The following FOXP1 variants were observed in gnomAD, a reference collection of about 807,000 sequenced individuals.
The protein encoded by FOXP1 is forkhead box protein P1.
FOXP1 carries 15 observed loss-of-function variants against 98.2 expected under a neutral mutation model. The observed-to-expected ratio is 0.15, with a 90% CI of 0.10 to 0.24. The LOEUF is 0.24. FOXP1 is among the 10% of genes least tolerant of loss of function. FOXP1 has a pLI of 1.00. For synonymous variants in FOXP1, 371 were observed against 314.5 expected (o/e 1.18, Z -1.90); for missense variants, 633 against 848.5 (o/e 0.75, Z 3.15).
At chr3:71,367,585 G>A (rs1007913301) in intron 3 of FOXP1, among the ~76,000 whole-genome samples, 24 of 152,070 alleles carry the variant, frequency 1.6e-4, no homozygotes, top group Admixed American at 1.6e-3. Context: ...CCTGAGAACC[G>A]TGATGCTGAG....
At chr3:71,514,295 T>C (rs1202845549) in intron 2 of FOXP1, among the ~76,000 whole-genome samples, 2 of 152,178 alleles carry the variant, frequency 1.3e-5, no homozygotes, top group Non-Finnish European at 2.9e-5. Context: ...AAGTCCTTAC[T>C]CAAACAGCAC....
At chr3:71,456,841 A>G (rs2087561112) in intron 3 of FOXP1, among the ~76,000 whole-genome samples, 1 of 151,946 alleles carries the variant, frequency 6.6e-6, no homozygotes, top group South Asian at 2.1e-4. Context: ...ATCTATGTCA[A>G]CTCATATCAG....
chr3:70,967,724 T>TTTTTTTTTTG (rs1215996425), intron 19 of FOXP1, among the ~76,000 whole-genome samples: 1 of 144,414 alleles, frequency 6.9e-6, no homozygotes. Context: ...TTTTTTTTTT[T>TTTTTTTTTTG]TTTTGCAAAC....
rs1246832143 is a variant in FOXP1, at chr3:71,500,848, C to T, written c.-297-7293G>A. 2.0e-5 allele frequency among the ~76,000 whole-genome samples: 3 copies of T among 152,146 alleles called. No individual in the cohort carries two copies. In the South Asian group the frequency reaches 6.2e-4, roughly 32 times the overall value. On this transcript the variant is annotated intron_variant, in intron 2 of 20. Transcript: ENST00000649528. ...ATGGAAACCTTTCTATTCATAGTCA[C>T]ATGTAAGGGAACCACCGCTTCCTGC...
chr3:71,201,214 A>C (rs1231331575), intron 5 of FOXP1, among the ~76,000 whole-genome samples: 1 of 152,234 alleles, frequency 6.6e-6, no homozygotes, highest in Non-Finnish European at 1.5e-5. Flanking sequence ...CCTAAGATAT[A>C]AGAATCAGGT....
At chr3:70,968,189 T>C (rs2035368625) in intron 19 of FOXP1, among the ~76,000 whole-genome samples, 1 of 150,968 alleles carries the variant, frequency 6.6e-6, no homozygotes, top group Admixed American at 6.6e-5. Flanking sequence ...AAGAACGATG[T>C]AAGTGATGAA....
intron 3 of FOXP1, among the ~76,000 whole-genome samples, chr3:71,406,117 G>A (rs1031463894): frequency 1.3e-5 from 2 of 152,078 alleles, no homozygotes; most frequent in African/African-American, 2.4e-5. Flanking sequence ...TACCAGGCAC[G>A]TGGTCCTTCC....
rs181110264 is a variant in FOXP1 at position 71,325,047 on chromosome 3, C to A, written c.-72-25167G>T. On this transcript the variant is annotated intron_variant, in intron 4 of 20. Coordinates refer to ENST00000649528, the MANE Select transcript of FOXP1 (RefSeq NM_001349338.3). ...AATCCAGAGTTGCTGTAGGTATAAT[C>A]CCTTGATTTTTTTTTTTTTTTTTGA... Among the ~76,000 whole-genome samples, 4 of 137,756 alleles carry A rather than the reference C, an allele frequency of 2.9e-5. No homozygotes were observed. In the East Asian group the frequency reaches 7.6e-4, roughly 26 times the overall value. The allele number at this position is 137,756 out of a possible 152,430, so 90.4% of individuals were successfully genotyped here. A position where few individuals can be genotyped will look rare whatever the true frequency, so the allele number is the denominator to read the frequency against.
At chr3:71,203,754 A>ATT (rs2063811541) in intron 5 of FOXP1, among the ~76,000 whole-genome samples, 1 of 152,200 alleles carries the variant, frequency 6.6e-6, no homozygotes, top group Non-Finnish European at 1.5e-5. Flanking sequence ...ATATGTTTCT[A>ATT]TTTCTATGGG....
At chr3:71,462,655 G>A (rs763498698) in intron 3 of FOXP1, among the ~76,000 whole-genome samples, 14 of 152,188 alleles carry the variant, frequency 9.2e-5, no homozygotes, top group Non-Finnish European at 1.9e-4. Flanking sequence ...ATGTGAGAGG[G>A]AAATCATTGC....
intron 3 of FOXP1, among the ~76,000 whole-genome samples, chr3:71,402,640 T>C (rs575486322): frequency 2.1e-4 from 32 of 152,308 alleles, no homozygotes; most frequent in African/African-American, 7.7e-4. Flanking sequence ...TATAGTTTGA[T>C]ACTAAACTTG....
chr3:71,167,057 C>T (rs1039537140), intron 6 of FOXP1, among the ~76,000 whole-genome samples: 2 of 151,956 alleles, frequency 1.3e-5, no homozygotes, highest in East Asian at 1.9e-4. Context: ...GGCACATCTC[C>T]GCACTTCAGG....
chr3:71,336,448 C>A (rs2076686667), intron 4 of FOXP1, among the ~76,000 whole-genome samples: 1 of 151,480 alleles, frequency 6.6e-6, no homozygotes, highest in Non-Finnish European at 1.5e-5. Context: ...CCCGATAGGC[C>A]CCAGTGTGTG....
At chr3:71,407,404 G>A (rs569425406) in intron 3 of FOXP1, among the ~76,000 whole-genome samples, 1 of 152,232 alleles carries the variant, frequency 6.6e-6, no homozygotes, top group African/African-American at 2.4e-5. Context: ...CATCACGCAT[G>A]TTTTTCTAAA....
intron 2 of FOXP1, among the ~76,000 whole-genome samples, chr3:71,497,982 T>G (rs543250576): frequency 6.6e-6 from 1 of 152,350 alleles, no homozygotes; most frequent in East Asian, 1.9e-4. Context: ...GATTACCATC[T>G]TGGGGGTCAT....
Position 70,966,070 on chromosome 3 carries a change from A to C in FOXP1, c.1723-14T>G, listed in dbSNP as rs371033424. Reference sequence around the variant, plus strand: ...AGCCATTGAAGCCTGTCATCAACCAAGAGAAAATTTATGAAGACACAGGGT... The same window carrying C: ...AGCCATTGAAGCCTGTCATCAACCACGAGAAAATTTATGAAGACACAGGGT... On this transcript the variant is annotated splice_polypyrimidine_tract_variant and intron_variant, in intron 19 of 20. Coordinates refer to ENST00000649528, the MANE Select transcript of FOXP1 (RefSeq NM_001349338.3). 2 of 1,613,294 alleles carry C rather than the reference A, an allele frequency of 1.2e-6. No individual in the cohort carries two copies. Among genetic ancestry groups the C allele is most frequent in the African/African-American group, 2.7e-5 (2 of 74,926 alleles).
intron 14 of FOXP1, among the ~76,000 whole-genome samples, chr3:70,987,016 C>A (rs1227801087): frequency 6.6e-6 from 1 of 152,162 alleles, no homozygotes; most frequent in African/African-American, 2.4e-5. Flanking sequence ...AATACTTTGC[C>A]ATTACGCTGC....
intron 4 of FOXP1, among the ~76,000 whole-genome samples, chr3:71,320,544 C>T (rs1279004887): frequency 6.6e-6 from 1 of 152,094 alleles, no homozygotes; most frequent in African/African-American, 2.4e-5. Context: ...TCCCTAACCT[C>T]CCTTTAGATC....
intron 2 of FOXP1, among the ~76,000 whole-genome samples, chr3:71,526,739 G>A (rs2043412404): frequency 6.6e-6 from 1 of 152,084 alleles, no homozygotes; most frequent in Admixed American, 6.5e-5. Flanking sequence ...AGGCCGAGGT[G>A]GGCGGATCAC....
Sources: allele counts gnomAD v4.1 joint callset (sites outside exome capture counted in the v4.1 genomes callset), GRCh38; gene constraint gnomAD v4.1.1; transcripts MANE v1.5; gene names NCBI Gene and HGNC (gene_info 2026-07-23, HGNC 2026-07-21).